The following FARS2 variants were observed in gnomAD, a reference collection of about 807,000 sequenced individuals.
FARS2 encodes phenylalanyl-tRNA synthetase 2, mitochondrial.
In FARS2, 40 loss-of-function variants were observed where a neutral mutation model predicts 46.4. That is an observed-to-expected ratio of 0.86 (90% CI 0.67 to 1.12). The LOEUF (loss-of-function observed/expected upper bound fraction) is 1.12, where lower values mean the gene tolerates loss of function less well. Ranked by LOEUF, FARS2 falls within the 50% of genes most tolerant of loss-of-function variation. The pLI is 0.00. For synonymous variants in FARS2, 234 were observed against 214.9 expected (o/e 1.09, Z -0.78); for missense variants, 513 against 567.9 (o/e 0.90, Z 0.98).
intron 6 of FARS2, among the ~76,000 whole-genome samples, chr6:5,700,737 C>T (rs1258995662): frequency 1.3e-5 from 2 of 152,134 alleles, no homozygotes; most frequent in South Asian, 2.1e-4. Flanking sequence ...CAGTGACACA[C>T]GTTTGAGAGA....
intron 1 of FARS2, among the ~76,000 whole-genome samples, chr6:5,265,183 G>T (rs1765470797): frequency 6.6e-6 from 1 of 152,208 alleles, no homozygotes; most frequent in African/African-American, 2.4e-5. Context: ...TGAACCAGGA[G>T]TTTCACCTAT....
At chr6:5,575,403 G>A (rs1475348645) in intron 5 of FARS2, among the ~76,000 whole-genome samples, 2 of 152,272 alleles carry the variant, frequency 1.3e-5, no homozygotes, top group East Asian at 1.9e-4. Flanking sequence ...GCATCATGAG[G>A]ATCACCTGTG....
intron 6 of FARS2, among the ~76,000 whole-genome samples, chr6:5,713,011 C>T (rs1478610202): frequency 6.6e-6 from 1 of 152,240 alleles, no homozygotes; most frequent in African/African-American, 2.4e-5. Flanking sequence ...GAGAAAGAGC[C>T]ATGTTACAAT....
chr6:5,414,751 C>T (rs1290811595), intron 3 of FARS2, among the ~76,000 whole-genome samples: 3 of 135,716 alleles, frequency 2.2e-5, no homozygotes, highest in African/African-American at 8.2e-5. Flanking sequence ...ATGGACATCG[C>T]TTTTTTTTTT....
chr6:5,639,342 T>C (rs1389531294), intron 6 of FARS2, among the ~76,000 whole-genome samples: 1 of 152,232 alleles, frequency 6.6e-6, no homozygotes, highest in Non-Finnish European at 1.5e-5. Context: ...TCATGGGAGT[T>C]ACCACTTAAC....
chr6:5,481,292 G>T (rs71557565), intron 4 of FARS2, among the ~76,000 whole-genome samples: 3 of 152,338 alleles, frequency 2.0e-5, no homozygotes, highest in East Asian at 1.9e-4. Context: ...AGGCAGGGAA[G>T]GGGGAGGGGA....
intron 1 of FARS2, among the ~76,000 whole-genome samples, chr6:5,268,074 G>C (rs1392855996): frequency 5.9e-5 from 9 of 152,072 alleles, no homozygotes; most frequent in Admixed American, 5.9e-4. Flanking sequence ...TTGTAAATTT[G>C]TTTAAGTTCT....
intron 1 of FARS2, among the ~76,000 whole-genome samples, chr6:5,297,610 T>C (rs2127526775): frequency 6.6e-6 from 1 of 152,080 alleles, no homozygotes; most frequent in East Asian, 1.9e-4. Context: ...ATCGTGCCAT[T>C]GCACTCCAGC....
rs186765893 is a variant in FARS2, at chr6:5,333,026, T to C, written c.-21-35524T>C. Among the ~76,000 whole-genome samples, 36 of 152,354 alleles carry C rather than the reference T, an allele frequency of 2.4e-4. 1 individual carries two copies. The East Asian group carries it at 6.0e-3, about 25-fold the overall frequency. ...TTCTTATATGATCTTTTGAATTTAA[T>C]CCATAATATTTTGTCTTGGCATTGG... On this transcript the variant is annotated intron_variant, in intron 1 of 6. Transcript: ENST00000274680.
At chr6:5,654,431 A>T (rs938447375) in intron 6 of FARS2, among the ~76,000 whole-genome samples, 1 of 152,150 alleles carries the variant, frequency 6.6e-6, no homozygotes, top group African/African-American at 2.4e-5. Flanking sequence ...AAAAACAAAG[A>T]TGTTCTCAGC....
chr6:5,663,372 A>G (rs1166545702), intron 6 of FARS2, among the ~76,000 whole-genome samples: 1 of 152,182 alleles, frequency 6.6e-6, no homozygotes, highest in Non-Finnish European at 1.5e-5. Flanking sequence ...ATTCTTCCCA[A>G]TATCTGTTTG....
intron 2 of FARS2, among the ~76,000 whole-genome samples, chr6:5,394,760 G>T (rs537468395): frequency 3.6e-4 from 55 of 151,752 alleles, no homozygotes; most frequent in African/African-American, 1.3e-3. Flanking sequence ...TGTTAGTAAG[G>T]GACAGTGTTT....
chr6:5,730,649 C>T (rs1760563037), intron 6 of FARS2, among the ~76,000 whole-genome samples: 1 of 151,990 alleles, frequency 6.6e-6, no homozygotes, highest in South Asian at 2.1e-4. Context: ...AAACCTCCTC[C>T]TAAGAGGAGC....
At chr6:5,755,006 A>T (rs1426714752) in intron 6 of FARS2, among the ~76,000 whole-genome samples, 1 of 151,910 alleles carries the variant, frequency 6.6e-6, no homozygotes, top group African/African-American at 2.4e-5. Flanking sequence ...CATTTTTCTG[A>T]TACTCATATT....
chr6:5,460,976 G>A (rs1765209536), intron 4 of FARS2, among the ~76,000 whole-genome samples: 2 of 152,056 alleles, frequency 1.3e-5, no homozygotes, highest in South Asian at 4.2e-4. Flanking sequence ...CTGTGTGTGT[G>A]TGTGTGTGTT....
At chr6:5,734,699 A>T (rs939581823) in intron 6 of FARS2, among the ~76,000 whole-genome samples, 2 of 152,232 alleles carry the variant, frequency 1.3e-5, no homozygotes, top group Admixed American at 6.5e-5. Context: ...TATTATATTC[A>T]TCTTATACCT....
intron 2 of FARS2, among the ~76,000 whole-genome samples, chr6:5,402,026 A>G (rs755036381): frequency 2.0e-5 from 3 of 151,886 alleles, no homozygotes; most frequent in African/African-American, 7.3e-5. Flanking sequence ...ACGGACTCCA[A>G]TTATATAAAT....
At chr6:5,741,993 T>A (rs1299159021) in intron 6 of FARS2, among the ~76,000 whole-genome samples, 1 of 152,224 alleles carries the variant, frequency 6.6e-6, no homozygotes, top group Middle Eastern at 3.2e-3. Flanking sequence ...GTCAACAGGC[T>A]CCTGGGATAT....
intron 1 of FARS2, among the ~76,000 whole-genome samples, chr6:5,322,964 T>G (rs1022621702): frequency 3.3e-5 from 5 of 152,160 alleles, no homozygotes; most frequent in African/African-American, 1.2e-4. Flanking sequence ...CAGCGATAGC[T>G]CCCATCTTCA....
Sources: gnomAD v4.1 joint callset for allele counts (sites outside exome capture counted in the v4.1 genomes callset) on GRCh38, gnomAD v4.1.1 for gene constraint, MANE v1.5 for transcripts, NCBI Gene and HGNC (gene_info 2026-07-23, HGNC 2026-07-21) for gene names.